The following SHISA6 variants were observed in gnomAD, a reference collection of about 807,000 sequenced individuals.
The protein encoded by SHISA6 is protein shisa-6.
SHISA6 carries 22 observed loss-of-function variants against 47.9 expected under a neutral mutation model. The observed-to-expected ratio is 0.46, with a 90% CI of 0.33 to 0.66. The LOEUF (loss-of-function observed/expected upper bound fraction) is 0.66, where lower values mean the gene tolerates loss of function less well. Ranked by LOEUF, SHISA6 falls within the 30% of genes least tolerant of loss-of-function variation. The pLI is 0.02. For synonymous variants in SHISA6, 388 were observed against 337.8 expected, an observed-to-expected ratio of 1.15 and a Z score of -1.63; for missense variants, 680 against 764.6, an observed-to-expected ratio of 0.89 and a Z score of 1.30.
intron 3 of SHISA6, among the ~76,000 whole-genome samples, chr17:11,481,897 T>TA (rs1369954451): frequency 6.6e-6 from 1 of 150,856 alleles, no homozygotes; most frequent in Non-Finnish European, 1.5e-5. Context: ...ATTGATGCCA[T>TA]AAAAAAATGC....
chr17:11,419,322 A>T (rs1914385364), intron 3 of SHISA6, among the ~76,000 whole-genome samples: 1 of 151,844 alleles, frequency 6.6e-6, no homozygotes, highest in Admixed American at 6.6e-5. Context: ...ATCCTTTAAT[A>T]AATATAAAAT....
At chr17:11,381,652 C>T (rs1401610382) in intron 3 of SHISA6, among the ~76,000 whole-genome samples, 2 of 152,252 alleles carry the variant, frequency 1.3e-5, no homozygotes, top group Admixed American at 6.5e-5. Flanking sequence ...CAATAGTGGA[C>T]GTTAAACTGC....
At position 11,241,227 on chromosome 17, in the gene SHISA6, C is replaced by A. The variant is rs967688903; in HGVS notation, c.-196C>A. On this transcript the variant is annotated 5_prime_UTR_variant, in exon 1 of 6. Transcript: ENST00000441885. This position sits in a 1 kb window ranked among gnomAD's most constrained non-coding sequence, Gnocchi z 5.5. ...GCGCGCAGCCTGAGAGCCCGAGCAG[C>A]CCGCGCCGGGCCGGTCCGTGCGCAC... is the stretch of plus-strand genomic sequence containing the variant. The A allele has an allele frequency of 1.3e-5, 2 of 159,530 alleles. No homozygotes were observed. Among genetic ancestry groups the A allele is most frequent in the African/African-American group, 4.9e-5 (2 of 40,738 alleles). 9.9% of individuals were successfully genotyped at this position (159,530 alleles called of 1,614,324 possible). A position where few individuals can be genotyped will look rare whatever the true frequency, so the allele number is the denominator to read the frequency against.
At chr17:11,251,509 G>C (rs1033422877) in intron 1 of SHISA6, among the ~76,000 whole-genome samples, 1 of 152,150 alleles carries the variant, frequency 6.6e-6, no homozygotes, top group South Asian at 2.1e-4. Flanking sequence ...GCTTGGGTGA[G>C]GGGCACAGGA....
intron 3 of SHISA6, among the ~76,000 whole-genome samples, chr17:11,464,873 C>A (rs1915772116): frequency 6.6e-6 from 1 of 150,618 alleles, no homozygotes; most frequent in Admixed American, 6.6e-5. Flanking sequence ...ACCCAGGAGG[C>A]AGAGGTTGCA....
At chr17:11,516,400 C>T (rs182529587) in intron 3 of SHISA6, among the ~76,000 whole-genome samples, 5 of 152,312 alleles carry the variant, frequency 3.3e-5, no homozygotes, top group African/African-American at 7.2e-5. Context: ...CTTGACAACA[C>T]ACCTAACTTC....
intron 2 of SHISA6, among the ~76,000 whole-genome samples, chr17:11,356,713 A>C (rs527517037): frequency 2.6e-5 from 4 of 152,194 alleles, no homozygotes; most frequent in Admixed American, 2.0e-4. Flanking sequence ...CCTCCCCTCT[A>C]TAACCAGGGG....
At chr17:11,350,185 T>TATTTATTTA (rs770023770) in intron 2 of SHISA6, among the ~76,000 whole-genome samples, 2,577 of 118,138 alleles carry the variant, frequency 0.022, 41 homozygotes, top group Admixed American at 0.048. Flanking sequence ...TTTATTTATT[T>TATTTATTTA]TTTTTTTTTT....
intron 2 of SHISA6, among the ~76,000 whole-genome samples, chr17:11,328,282 C>T (rs1910977845): frequency 1.3e-5 from 2 of 152,290 alleles, no homozygotes; most frequent in South Asian, 4.1e-4. Context: ...GGGCTTTGAT[C>T]CCACCACCAG....
intron 3 of SHISA6, among the ~76,000 whole-genome samples, chr17:11,541,727 G>T (rs2071835692): frequency 6.6e-6 from 1 of 152,126 alleles, no homozygotes; most frequent in African/African-American, 2.4e-5. Context: ...AATACCAAAA[G>T]ATCTTAAGAT....
At chr17:11,322,778 A>G (rs1433981596) in intron 2 of SHISA6, among the ~76,000 whole-genome samples, 1 of 152,212 alleles carries the variant, frequency 6.6e-6, no homozygotes, top group Admixed American at 6.5e-5. Flanking sequence ...GCATTTATCA[A>G]GTATCTAACC....
chr17:11,447,926 G>A (rs1915277639), intron 3 of SHISA6, among the ~76,000 whole-genome samples: 1 of 152,180 alleles, frequency 6.6e-6, no homozygotes, highest in African/African-American at 2.4e-5. Context: ...GGGCTGGAGG[G>A]GCAGTGGGTA....
intron 3 of SHISA6, among the ~76,000 whole-genome samples, chr17:11,522,882 C>T (rs554931995): frequency 2.6e-5 from 4 of 152,222 alleles, no homozygotes; most frequent in African/African-American, 7.2e-5. Flanking sequence ...ATACTTTACA[C>T]GTAGGCTTCC....
At chr17:11,467,210 T>C (rs892829535) in intron 3 of SHISA6, among the ~76,000 whole-genome samples, 5 of 152,174 alleles carry the variant, frequency 3.3e-5, no homozygotes, top group African/African-American at 1.2e-4. Context: ...TTGGCAAATA[T>C]TTAGTAAGCG....
rs923390931 is a variant in SHISA6 at position 11,493,814 on chromosome 17, C to T, written c.896-58082C>T. Among the ~76,000 whole-genome samples the T allele has an allele frequency of 9.9e-5, 15 of 152,114 alleles. 1 individual carries two copies. The highest frequency in any genetic ancestry group is 2.9e-4 in the African/African-American group (12 of 41,426). On this transcript the variant is annotated intron_variant, in intron 3 of 5. Transcript: ENST00000441885. ...GAAACCCTGGCATTTTGACTCCTGT[C>T]GGATGGATAGAATGGAAAAGGAAAT...
intron 2 of SHISA6, among the ~76,000 whole-genome samples, chr17:11,372,912 C>G (rs556660573): frequency 6.6e-6 from 1 of 152,228 alleles, no homozygotes; most frequent in South Asian, 2.1e-4. Flanking sequence ...ATTGCTCCCC[C>G]ACCCCTCAAG....
chr17:11,434,624 T>C (rs182362772), intron 3 of SHISA6, among the ~76,000 whole-genome samples: 79 of 152,344 alleles, frequency 5.2e-4, no homozygotes, highest in African/African-American at 1.9e-3. Context: ...GTGTCCCTTG[T>C]GTCACATTTA....
At chr17:11,326,143 C>A (rs1429885654) in intron 2 of SHISA6, among the ~76,000 whole-genome samples, 1 of 151,978 alleles carries the variant, frequency 6.6e-6, no homozygotes, top group Admixed American at 6.6e-5. Context: ...TGGTGGCATG[C>A]ACCTGTAGTC....
At chr17:11,257,181 C>T (rs181453023) in intron 1 of SHISA6, among the ~76,000 whole-genome samples, 27 of 152,268 alleles carry the variant, frequency 1.8e-4, no homozygotes, top group Admixed American at 1.3e-4. Flanking sequence ...AAGTGGACTC[C>T]GAGAGAACCG....
Sources: allele counts gnomAD v4.1 joint callset (sites outside exome capture counted in the v4.1 genomes callset), GRCh38; gene constraint gnomAD v4.1.1; non-coding constraint Gnocchi (gnomAD v3.1); transcripts MANE v1.5; gene names NCBI Gene and HGNC (gene_info 2026-07-23, HGNC 2026-07-21).